Variants in MOB1B observed in about 807,000 individuals in gnomAD.
MOB1B encodes MOB kinase activator 1B.
A neutral mutation model predicts 24.4 loss-of-function variants in MOB1B; 19 were observed. That is an observed-to-expected ratio of 0.78 (90% CI 0.54 to 1.14). MOB1B has a LOEUF of 1.14. Ranked by LOEUF, MOB1B falls within the 50% of genes most tolerant of loss-of-function variation. The probability of loss-of-function intolerance (pLI) is 0.00; values close to 1 mark genes in which losing one functional copy is unlikely to be tolerated. For missense variants in MOB1B, 243 were observed against 259.6 expected (o/e 0.94, Z 0.44); for synonymous variants, 76 against 82.1 (o/e 0.93, Z 0.40).
At chr4:70,963,345 G>T (rs1472328833) in intron 2 of MOB1B, among the ~76,000 whole-genome samples, 1 of 151,982 alleles carries the variant, frequency 6.6e-6, no homozygotes, top group African/African-American at 2.4e-5. Context: ...GAGCGACAGA[G>T]TGAGACCCTG....
chr4:70,952,473 C>G (rs551891610), intron 1 of MOB1B, among the ~76,000 whole-genome samples: 1 of 151,594 alleles, frequency 6.6e-6, no homozygotes, highest in South Asian at 2.1e-4. Flanking sequence ...GAAACCCCGT[C>G]TCTACCAAAA....
intron 1 of MOB1B, among the ~76,000 whole-genome samples, chr4:70,946,297 G>A (rs1471253240): frequency 6.6e-6 from 1 of 151,896 alleles, no homozygotes; most frequent in African/African-American, 2.4e-5. Flanking sequence ...ATGGCTCCTC[G>A]CAATAAGAAT....
rs1017452221 is a variant in MOB1B at position 70,986,901 on chromosome 4, G to C, written c.*4844G>C. On this transcript the variant is annotated 3_prime_UTR_variant, in exon 6 of 6. Transcript: ENST00000309395. ...TTGAAGGTATAAAACTGCACTGTAT[G>C]TCTGTCACTTGTAGCTGAACTGATT... 1 of 151,988 alleles carries C rather than the reference G, an allele frequency of 6.6e-6. No homozygotes were observed. The highest frequency in any genetic ancestry group is 2.1e-4 in the South Asian group (1 of 4,832). 9.4% of individuals were successfully genotyped at this position (151,988 alleles called of 1,614,324 possible).
chr4:70,919,008 G>A (rs1341791180), intron 1 of MOB1B, among the ~76,000 whole-genome samples: 5 of 152,010 alleles, frequency 3.3e-5, no homozygotes, highest in Non-Finnish European at 7.4e-5. Context: ...GTCCTTTGTA[G>A]GGACATGGAT....
chr4:70,979,622 TCTC>T (rs745689580), intron 5 of MOB1B, among the ~76,000 whole-genome samples: 9 of 152,156 alleles, frequency 5.9e-5, no homozygotes, highest in Non-Finnish European at 1.0e-4. Context: ...TTTTAGTACT[TCTC>T]CTACTGCAGT....
chr4:70,963,566 TCTTTGCA>T (rs971417599), intron 2 of MOB1B, among the ~76,000 whole-genome samples: 3 of 150,298 alleles, frequency 2.0e-5, no homozygotes, highest in African/African-American at 7.4e-5. Flanking sequence ...ATGCCTGTAA[TCTTTGCA>T]CTTTGGGAGG....
chr4:70,958,183 G>C (rs919216974), intron 1 of MOB1B, among the ~76,000 whole-genome samples: 37 of 101,796 alleles, frequency 3.6e-4, no homozygotes, highest in Non-Finnish European at 1.8e-4. Flanking sequence ...TTTTTTTTTT[G>C]AGACGGAATC....
intron 1 of MOB1B, among the ~76,000 whole-genome samples, chr4:70,935,045 C>T (rs1737027168): frequency 6.6e-6 from 1 of 152,134 alleles, no homozygotes; most frequent in African/African-American, 2.4e-5. Context: ...AATGATCCTT[C>T]TGCCTAGCTG....
intron 1 of MOB1B, among the ~76,000 whole-genome samples, chr4:70,909,067 A>G (rs1402000803): frequency 6.6e-6 from 1 of 151,496 alleles, no homozygotes; most frequent in African/African-American, 2.4e-5. Flanking sequence ...AAAAAAAAAA[A>G]TTAGCAATTT....
At chr4:70,919,277 G>T (rs1161772244) in intron 1 of MOB1B, among the ~76,000 whole-genome samples, 1 of 150,566 alleles carries the variant, frequency 6.6e-6, no homozygotes, top group Non-Finnish European at 1.5e-5. Flanking sequence ...CCTGCATATT[G>T]TGCACATGTA....
intron 1 of MOB1B, among the ~76,000 whole-genome samples, chr4:70,944,963 C>T (rs1246286600): frequency 7.2e-5 from 11 of 152,036 alleles, no homozygotes; most frequent in Non-Finnish European, 1.6e-4. Flanking sequence ...ACTGTCTCAC[C>T]CTTGGTTTTA....
intron 2 of MOB1B, among the ~76,000 whole-genome samples, chr4:70,959,418 T>C (rs1738206002): frequency 6.6e-6 from 1 of 152,182 alleles, no homozygotes; most frequent in East Asian, 1.9e-4. Flanking sequence ...CTCACTATGT[T>C]GTCCAGGATT....
At chr4:70,913,817 T>C (rs1736094637) in intron 1 of MOB1B, among the ~76,000 whole-genome samples, 1 of 152,206 alleles carries the variant, frequency 6.6e-6, no homozygotes, top group Non-Finnish European at 1.5e-5. Flanking sequence ...TTCGTTGATA[T>C]TTCTTGTCTA....
chr4:70,914,618 G>A (rs578211448), intron 1 of MOB1B, among the ~76,000 whole-genome samples: 2 of 152,198 alleles, frequency 1.3e-5, no homozygotes, highest in South Asian at 4.1e-4. Flanking sequence ...ATATCTATCT[G>A]TGTATATTAA....
intron 2 of MOB1B, among the ~76,000 whole-genome samples, chr4:70,966,689 T>TA (rs1170569763): frequency 2.0e-5 from 3 of 151,788 alleles, no homozygotes; most frequent in Admixed American, 6.6e-5. Context: ...CCACTATTTA[T>TA]AAAAAATTTA....
chr4:70,930,673 A>AT (rs1736853989), intron 1 of MOB1B, among the ~76,000 whole-genome samples: 1 of 152,022 alleles, frequency 6.6e-6, no homozygotes, highest in African/African-American at 2.4e-5. Flanking sequence ...AGCTTAATGA[A>AT]TTTTTTCTTT....
In MOB1B at chr4:70,947,807, A is replaced by G. The variant is rs181300649; in HGVS notation, c.15-11067A>G. Among the ~76,000 whole-genome samples the G allele has an allele frequency of 8.1e-4, 123 of 152,018 alleles. No homozygotes were observed. The East Asian group carries it at 0.018, about 22-fold the overall frequency. Reference sequence around the variant, plus strand: ...AATTTTTTGTAGAGATAGGGTTTCAACATATTGCCCAGGCTGGTCTTGAAC... The same window carrying G: ...AATTTTTTGTAGAGATAGGGTTTCAGCATATTGCCCAGGCTGGTCTTGAAC... On this transcript the variant is annotated intron_variant, in intron 1 of 5. Transcript: ENST00000309395.
At position 70,979,179 on chromosome 4, in the gene MOB1B, G is replaced by A. The variant is rs755380499; in HGVS notation, c.461G>A (p.Arg154His). Residue 154 changes from arginine to histidine, a missense_variant, in exon 5 of 6, where the codon CGC becomes CAC. Coordinates refer to ENST00000309395, the MANE Select transcript of MOB1B (RefSeq NM_173468.4). ...FMSVAKTILK[R>H]LFRVYAHIYH... ...TCTGTGGCAAAAACTATACTCAAAC[G>A]CCTCTTTAGGGTTTATGCTCACATT... 3.7e-6 allele frequency: 6 copies of A among 1,613,302 alleles called. No homozygotes were observed. The highest frequency in any genetic ancestry group is 2.7e-5 in the African/African-American group (2 of 74,816).
chr4:70,963,647 C>G (rs1364697494), intron 2 of MOB1B, among the ~76,000 whole-genome samples: 2 of 151,576 alleles, frequency 1.3e-5, no homozygotes, highest in Non-Finnish European at 2.9e-5. Context: ...TGGCAAATCT[C>G]CATCTCTACC....
Sources: gnomAD v4.1 joint callset for allele counts (sites outside exome capture counted in the v4.1 genomes callset) on GRCh38, gnomAD v4.1.1 for gene constraint, MANE v1.5 for transcripts, NCBI Gene and HGNC (gene_info 2026-07-23, HGNC 2026-07-21) for gene names.